CBLB: variants seen among roughly 807,000 people sequenced by gnomAD.
CBLB encodes Cbl proto-oncogene B, also known as E3 ubiquitin-protein ligase CBL-B.
Under a neutral mutation model 104.9 loss-of-function variants are expected in CBLB, and 31 were observed. The ratio of observed to expected loss-of-function variants is 0.30; its 90% CI spans 0.22 to 0.40. The LOEUF is 0.40. CBLB is among the 10% of genes least tolerant of loss of function. The pLI is 1.00. For synonymous variants in CBLB, 440 were observed against 422.6 expected (o/e 1.04, Z -0.51); for missense variants, 1,062 against 1,214.6 (o/e 0.87, Z 1.87).
chr3:105,762,726 T>C (rs2077776478), intron 4 of CBLB, among the ~76,000 whole-genome samples: 1 of 152,204 alleles, frequency 6.6e-6, no homozygotes, highest in Non-Finnish European at 1.5e-5. Flanking sequence ...GGCAGAGCCC[T>C]ACCTCTGCTA....
chr3:105,694,077 C>T (rs1008188186), intron 12 of CBLB, among the ~76,000 whole-genome samples: 6 of 151,402 alleles, frequency 4.0e-5, no homozygotes, highest in African/African-American at 1.5e-4. Flanking sequence ...ATCAGAAGTG[C>T]CTTTGTTCTT....
At chr3:105,725,727 T>C (rs2073519522) in intron 9 of CBLB, among the ~76,000 whole-genome samples, 2 of 152,216 alleles carry the variant, frequency 1.3e-5, no homozygotes, top group East Asian at 1.9e-4. Flanking sequence ...ATTTAAAACG[T>C]TCGTAAAGGC....
intron 3 of CBLB, among the ~76,000 whole-genome samples, chr3:105,810,649 T>C (rs1456730105): frequency 1.3e-5 from 2 of 152,246 alleles, no homozygotes; most frequent in South Asian, 2.1e-4. Flanking sequence ...TAATATTCCA[T>C]AGATTCAGAA....
chr3:105,830,339 C>T (rs1036089439), intron 3 of CBLB, among the ~76,000 whole-genome samples: 1 of 152,198 alleles, frequency 6.6e-6, no homozygotes, highest in Non-Finnish European at 1.5e-5. Flanking sequence ...CTACCAGAAG[C>T]AATATTTCCT....
chr3:105,769,717 A>C (rs1281982855), intron 4 of CBLB, among the ~76,000 whole-genome samples: 1 of 152,262 alleles, frequency 6.6e-6, no homozygotes, highest in Non-Finnish European at 1.5e-5. Context: ...CCGAAATGAT[A>C]AGTAGAAAAA....
chr3:105,841,594 A>G (rs2089557296), intron 3 of CBLB, among the ~76,000 whole-genome samples: 1 of 151,734 alleles, frequency 6.6e-6, no homozygotes, highest in African/African-American at 2.4e-5. Flanking sequence ...CTGGGACTAC[A>G]GGCACCCGCC....
intron 9 of CBLB, 102 bp downstream of exon 9, chr3:105,733,907 C>T (rs1992520): frequency 1 from 1,052,970 of 1,056,412 alleles, 524,858 homozygotes; most frequent in East Asian, 1. Flanking sequence ...TCATTTCAAA[C>T]AAAGCACTTA....
intron 10 of CBLB, among the ~76,000 whole-genome samples, chr3:105,707,240 T>C (rs1407662617): frequency 2.0e-5 from 3 of 152,212 alleles, no homozygotes; most frequent in Non-Finnish European, 4.4e-5. Flanking sequence ...TGGAAGCATA[T>C]CTTGCTTAGC....
At chr3:105,717,409 G>A (rs1049709282) in intron 10 of CBLB, among the ~76,000 whole-genome samples, 5 of 152,018 alleles carry the variant, frequency 3.3e-5, no homozygotes, top group African/African-American at 9.7e-5. Context: ...CCTAGACCTG[G>A]GGCTGCAAAC....
At chr3:105,676,372 T>G (rs1305530157) in intron 17 of CBLB, among the ~76,000 whole-genome samples, 2 of 152,172 alleles carry the variant, frequency 1.3e-5, no homozygotes, top group African/African-American at 2.4e-5. Flanking sequence ...CCTTTTACAA[T>G]TCTTTTGACA....
At chr3:105,831,009 ACC>A (rs1421816370) in intron 3 of CBLB, among the ~76,000 whole-genome samples, 1 of 152,160 alleles carries the variant, frequency 6.6e-6, no homozygotes, top group Non-Finnish European at 1.5e-5. Flanking sequence ...AAAATGCAAA[ACC>A]TTGTCATTTA....
chr3:105,657,582 G>A lies in CBLB; in HGVS notation c.*1388C>T, dbSNP rs190530133. On this transcript the variant is annotated 3_prime_UTR_variant, in exon 19 of 19. Coordinates refer to ENST00000394030, the MANE Select transcript of CBLB (RefSeq NM_170662.5). ...AAACATTACGCTGGAATCAGCTTTTGAGAGTTTGTGCTTTAAAAACACAGT... is the reference window on the plus strand; with the variant it reads ...AAACATTACGCTGGAATCAGCTTTTAAGAGTTTGTGCTTTAAAAACACAGT... 3.4e-5 allele frequency: 7 copies of A among 205,100 alleles called. No individual in the cohort carries two copies. In the East Asian group the frequency reaches 4.5e-4, roughly 13 times the overall value. 12.7% of individuals were successfully genotyped at this position (205,100 alleles called of 1,614,324 possible).
chr3:105,688,790 G>A (rs1268848458), intron 13 of CBLB, among the ~76,000 whole-genome samples: 1 of 151,952 alleles, frequency 6.6e-6, no homozygotes, highest in Non-Finnish European at 1.5e-5. Context: ...TCATATACAT[G>A]CTAATTTTCA....
intron 9 of CBLB, among the ~76,000 whole-genome samples, chr3:105,730,587 A>G (rs987349509): frequency 7.2e-5 from 11 of 152,232 alleles, no homozygotes; most frequent in African/African-American, 2.4e-4. Flanking sequence ...AAAATACATA[A>G]ATATGGAAAT....
chr3:105,709,088 T>A (rs1171871401), intron 10 of CBLB, among the ~76,000 whole-genome samples: 1 of 151,926 alleles, frequency 6.6e-6, no homozygotes, highest in East Asian at 1.9e-4. Context: ...ATCAAATATC[T>A]AACCAAATAA....
chr3:105,751,231 A>C (rs1158922868), intron 5 of CBLB, among the ~76,000 whole-genome samples: 2 of 152,234 alleles, frequency 1.3e-5, no homozygotes, highest in Non-Finnish European at 2.9e-5. Flanking sequence ...ACAAGCAGCC[A>C]CCAGGCTCAC....
intron 18 of CBLB, among the ~76,000 whole-genome samples, chr3:105,659,689 T>A (rs958424266): frequency 3.3e-5 from 5 of 152,162 alleles, no homozygotes; most frequent in Non-Finnish European, 7.3e-5. Context: ...CAAACAGCCA[T>A]GGCAGAACGT....
chr3:105,657,505 G>C lies in CBLB; in HGVS notation c.*1465C>G, dbSNP rs1175081722. ...TAAAGCCCTGGGGGAAACCTTCCAG[G>C]CTTTGTCTATCAGACAGACTTTGTC... On this transcript the variant is annotated 3_prime_UTR_variant, in exon 19 of 19. Transcript: ENST00000394030. 2.9e-5 allele frequency: 6 copies of C among 208,484 alleles called. No individual in the cohort carries two copies. The highest frequency in any genetic ancestry group is 1.4e-4 in the African/African-American group (6 of 43,960). The allele number at this position is 208,484 out of a possible 1,614,324, so 12.9% of individuals were successfully genotyped here.
At chr3:105,839,918 A>C (rs1350535481) in intron 3 of CBLB, among the ~76,000 whole-genome samples, 1 of 152,260 alleles carries the variant, frequency 6.6e-6, no homozygotes, top group Non-Finnish European at 1.5e-5. Flanking sequence ...AATTCACACA[A>C]AATGTGGTAA....
Sources: gnomAD v4.1 joint callset for allele counts (sites outside exome capture counted in the v4.1 genomes callset) on GRCh38, gnomAD v4.1.1 for gene constraint, MANE v1.5 for transcripts, NCBI Gene and HGNC (gene_info 2026-07-23, HGNC 2026-07-21) for gene names.